Variants in MEI4 observed in about 807,000 individuals in gnomAD.
MEI4 encodes meiosis-specific protein MEI4.
In MEI4, 27 loss-of-function variants were observed where a neutral mutation model predicts 31.4. The ratio of observed to expected loss-of-function variants is 0.86; its 90% CI spans 0.63 to 1.19. The LOEUF (loss-of-function observed/expected upper bound fraction) is 1.19. Ranked by LOEUF, MEI4 falls within the 50% of genes most tolerant of loss-of-function variation. The pLI is 0.00. For missense variants in MEI4, 329 were observed against 398.9 expected, an observed-to-expected ratio of 0.82 and a Z score of 1.49; for synonymous variants, 122 against 145.4, an observed-to-expected ratio of 0.84 and a Z score of 1.16.
At chr6:77,880,734 C>G (rs1428919182) in intron 4 of MEI4, among the ~76,000 whole-genome samples, 1 of 152,074 alleles carries the variant, frequency 6.6e-6, no homozygotes, top group East Asian at 1.9e-4. Flanking sequence ...AACAGACTGC[C>G]TGTGGAGGAA....
intron 3 of MEI4, among the ~76,000 whole-genome samples, chr6:77,827,646 T>G (rs1303032403): frequency 6.6e-6 from 1 of 152,144 alleles, no homozygotes; most frequent in African/African-American, 2.4e-5. Context: ...AGAAAAAGAT[T>G]ATCATGTGTG....
At chr6:77,753,071 C>T (rs776815567) in intron 2 of MEI4, among the ~76,000 whole-genome samples, 2 of 152,198 alleles carry the variant, frequency 1.3e-5, no homozygotes, top group Non-Finnish European at 2.9e-5. Context: ...GAAACTGGAT[C>T]TCTTCCTTAC....
At chr6:77,750,315 C>A (rs1767735235) in intron 2 of MEI4, among the ~76,000 whole-genome samples, 1 of 152,166 alleles carries the variant, frequency 6.6e-6, no homozygotes, top group Non-Finnish European at 1.5e-5. Flanking sequence ...AGTTAAATGA[C>A]ACAGACTGGC....
Position 77,906,031 on chromosome 6 carries a change from T to C in MEI4, c.901-17058T>C, listed in dbSNP as rs192367635. ...ATTTTCAGCCCCGGAATTTTCCTTT[T>C]TTAATACAATTTTAATATCTCTGTA... On this transcript the variant is annotated intron_variant, in intron 4 of 4. Coordinates refer to ENST00000684080, the MANE Select transcript of MEI4 (RefSeq NM_001322247.2). Among the ~76,000 whole-genome samples, 51 of 152,236 alleles carry C rather than the reference T, an allele frequency of 3.4e-4. 1 individual carries two copies. The South Asian group carries it at 0.01, about 31-fold the overall frequency.
chr6:77,655,688 A>T (rs998280190), intron 1 of MEI4, among the ~76,000 whole-genome samples: 1 of 152,176 alleles, frequency 6.6e-6, no homozygotes. Flanking sequence ...AAGTACAGGA[A>T]TCATTCTTTT....
chr6:77,773,771 C>T (rs569922889), intron 3 of MEI4, among the ~76,000 whole-genome samples: 1 of 152,112 alleles, frequency 6.6e-6, no homozygotes, highest in East Asian at 1.9e-4. Context: ...ACTCATTTGA[C>T]AAGGGACTAA....
intron 3 of MEI4, among the ~76,000 whole-genome samples, chr6:77,768,946 A>G (rs1720563408): frequency 6.6e-6 from 1 of 152,182 alleles, no homozygotes; most frequent in Admixed American, 6.5e-5. Flanking sequence ...ATACCCAAAT[A>G]CAAGCCTCTA....
intron 2 of MEI4, among the ~76,000 whole-genome samples, chr6:77,691,374 T>C (rs1238484470): frequency 1.3e-5 from 2 of 151,956 alleles, no homozygotes; most frequent in East Asian, 3.9e-4. Flanking sequence ...TTGTGATACA[T>C]ACTATAATAG....
At chr6:77,884,332 G>T (rs912266357) in intron 4 of MEI4, among the ~76,000 whole-genome samples, 9 of 152,010 alleles carry the variant, frequency 5.9e-5, no homozygotes, top group Admixed American at 3.9e-4. Flanking sequence ...TTTTTCCTTT[G>T]TTGTGCAGAA....
rs570437085 is a variant in MEI4, at chr6:77,733,699, A to T, written c.233-27431A>T. ...TGAATACGTTTGCTCTTGCTTTTCTAGTTCTTTTAATTGTGATGTTAGGGT... is the reference window on the plus strand; with the variant it reads ...TGAATACGTTTGCTCTTGCTTTTCTTGTTCTTTTAATTGTGATGTTAGGGT... On this transcript the variant is annotated intron_variant, in intron 2 of 4. Transcript: ENST00000684080. Among the ~76,000 whole-genome samples, 136 of 151,674 alleles carry T rather than the reference A, an allele frequency of 9.0e-4. 1 individual carries two copies. Among genetic ancestry groups the T allele is most frequent in the African/African-American group, 2.9e-3 (118 of 41,158 alleles).
chr6:77,703,014 A>G (rs1312429065), intron 2 of MEI4, among the ~76,000 whole-genome samples: 2 of 152,018 alleles, frequency 1.3e-5, no homozygotes, highest in African/African-American at 4.8e-5. Flanking sequence ...TATATTCTGT[A>G]CTTTTTTATA....
rs1041497880 is a variant in MEI4 at position 77,827,339 on chromosome 6, T to C, written c.769-1592T>C. ...TCCCGCCACTGCACTCCAGCCTGGG[T>C]GACAGAGGGAGACTCCATCTTAAAA... On this transcript the variant is annotated intron_variant, in intron 3 of 4. Coordinates refer to ENST00000684080, the MANE Select transcript of MEI4 (RefSeq NM_001322247.2). Among the ~76,000 whole-genome samples the C allele has an allele frequency of 3.4e-5, 4 of 116,580 alleles. No homozygotes were observed. In the East Asian group the frequency reaches 1.0e-3, roughly 30 times the overall value. 76.5% of individuals were successfully genotyped at this position (116,580 alleles called of 152,430 possible). A position where few individuals can be genotyped will look rare whatever the true frequency, so the allele number is the denominator to read the frequency against.
chr6:77,699,382 T>C (rs9350717), intron 2 of MEI4, among the ~76,000 whole-genome samples: 106,144 of 149,180 alleles, frequency 0.71, 37,767 homozygotes, highest in East Asian at 0.94. Context: ...TTAGTAGAGA[T>C]GGGGTTTCAC....
intron 4 of MEI4, among the ~76,000 whole-genome samples, chr6:77,889,677 C>A (rs1205918722): frequency 6.6e-6 from 1 of 152,234 alleles, no homozygotes; most frequent in Admixed American, 6.5e-5. Context: ...GGGAACATGT[C>A]TCCAGAGCAT....
chr6:77,848,765 G>A (rs759590239), intron 4 of MEI4, among the ~76,000 whole-genome samples: 4 of 152,160 alleles, frequency 2.6e-5, no homozygotes, highest in Admixed American at 6.6e-5. Flanking sequence ...TATGATTGCA[G>A]TACTAACTAG....
intron 2 of MEI4, among the ~76,000 whole-genome samples, chr6:77,741,038 G>C (rs1407919822): frequency 6.6e-6 from 1 of 152,046 alleles, no homozygotes; most frequent in Non-Finnish European, 1.5e-5. Flanking sequence ...TTTGTCTGGA[G>C]AGAGCAGGGA....
Position 77,784,854 on chromosome 6 carries a change from T to G in MEI4, c.768+23189T>G, listed in dbSNP as rs1768692008. The stretch of plus-strand genomic sequence containing the variant: ...ATTGGCCATCTGAGTCCTGTTCACT[T>G]GCCATCCTAGGCAACTCGTATTAAT... On this transcript the variant is annotated intron_variant, in intron 3 of 4. Transcript: ENST00000684080. Among the ~76,000 whole-genome samples, 8 of 152,284 alleles carry G rather than the reference T, an allele frequency of 5.3e-5. No individual in the cohort carries two copies. In the South Asian group the frequency reaches 1.7e-3, roughly 32 times the overall value.
chr6:77,905,182 CTGTTGT>C, intron 4 of MEI4, among the ~76,000 whole-genome samples: 1 of 152,036 alleles, frequency 6.6e-6, no homozygotes. Context: ...TGGCAGTTTG[CTGTTGT>C]TGTTGTTTTG....
chr6:77,650,829 C>G (rs1768287037), upstream of MEI4, among the ~76,000 whole-genome samples: 1 of 152,104 alleles, frequency 6.6e-6, no homozygotes, highest in South Asian at 2.1e-4. Flanking sequence ...TGGTATATGC[C>G]AGAGTCTGAG....
Sources: allele counts gnomAD v4.1 joint callset (sites outside exome capture counted in the v4.1 genomes callset), GRCh38; gene constraint gnomAD v4.1.1; transcripts MANE v1.5; gene names NCBI Gene and HGNC (gene_info 2026-07-23, HGNC 2026-07-21).